Variants in ARHGEF38 observed in about 807,000 individuals in gnomAD.
ARHGEF38 encodes Rho guanine nucleotide exchange factor 38, also known as Rho guanine nucleotide exchange factor (GEF) 38.
In ARHGEF38, 79 loss-of-function variants were observed where a neutral mutation model predicts 79.9. The ratio of observed to expected loss-of-function variants is 0.99; its 90% CI spans 0.82 to 1.19. The LOEUF is 1.19. ARHGEF38 is among the 50% of genes most tolerant of loss of function. ARHGEF38 has a pLI of 0.00. For missense variants in ARHGEF38, 962 were observed against 907.2 expected (o/e 1.06, Z -0.78); for synonymous variants, 366 against 328.3 (o/e 1.11, Z -1.24).
chr4:105,654,208 C>A (rs1484815739), intron 8 of ARHGEF38, 39 bp downstream of exon 8: 13 of 1,164,872 alleles, frequency 1.1e-5, no homozygotes, highest in Middle Eastern at 2.0e-4. Flanking sequence ...TCTACAGGAA[C>A]ATCTGATACA....
intron 4 of ARHGEF38, among the ~76,000 whole-genome samples, chr4:105,635,998 C>T (rs1323002449): frequency 6.6e-6 from 1 of 151,886 alleles, no homozygotes; most frequent in Non-Finnish European, 1.5e-5. Context: ...CTTATTAAAT[C>T]CATTAAATTT....
At chr4:105,608,174 A>T (rs1728135682) in intron 2 of ARHGEF38, among the ~76,000 whole-genome samples, 1 of 152,042 alleles carries the variant, frequency 6.6e-6, no homozygotes, top group South Asian at 2.1e-4. Context: ...ACTAATTTAC[A>T]TTCCTACCAA....
chr4:105,664,494 C>T (rs1256654601), intron 10 of ARHGEF38, among the ~76,000 whole-genome samples: 1 of 151,934 alleles, frequency 6.6e-6, no homozygotes, highest in Non-Finnish European at 1.5e-5. Context: ...TCTCTATACC[C>T]CTACATTTGC....
rs531001554 is a variant in ARHGEF38, at chr4:105,664,183, G to A, written c.1546-1994G>A. The stretch of plus-strand genomic sequence containing the variant: ...ACAAGTGGGATTGCTGAATCATATG[G>A]TAACTCTATCTTTTTGAAGAATTCA... On this transcript the variant is annotated intron_variant, in intron 10 of 13. Coordinates refer to ENST00000420470, the MANE Select transcript of ARHGEF38 (RefSeq NM_001242729.2). 5.3e-5 allele frequency among the ~76,000 whole-genome samples: 8 copies of A among 152,198 alleles called. No homozygotes were observed. In the East Asian group the frequency reaches 1.5e-3, roughly 29 times the overall value.
intron 9 of ARHGEF38, among the ~76,000 whole-genome samples, chr4:105,657,368 G>A (rs1730376902): frequency 6.6e-6 from 1 of 152,044 alleles, no homozygotes; most frequent in Admixed American, 6.6e-5. Flanking sequence ...TTGTGAGAAG[G>A]CTCAATATAA....
In ARHGEF38 at chr4:105,561,459, A is replaced by AATGGAATGGAATG. The variant is rs1725574431; in HGVS notation, c.196+8498_196+8499insATGGAATGGAATG. On this transcript the variant is annotated intron_variant, in intron 1 of 13. Coordinates refer to ENST00000420470, the MANE Select transcript of ARHGEF38 (RefSeq NM_001242729.2). ...AGAATAGAATAGAATGGAATAGAAT[A>AATGGAATGGAATG]GAATAGAATAGAATAGAATAGAATA... is the stretch of plus-strand genomic sequence containing the variant. The AATGGAATGGAATG allele has an allele frequency of 1.1e-4, 4 of 38,076 alleles. 1 individual carries two copies. Among genetic ancestry groups the AATGGAATGGAATG allele is most frequent in the Non-Finnish European group, 1.6e-4 (3 of 18,720 alleles). 2.4% of individuals were successfully genotyped at this position (38,076 alleles called of 1,614,324 possible).
chr4:105,553,910 G>T (rs1198554761), intron 1 of ARHGEF38, among the ~76,000 whole-genome samples: 2 of 152,074 alleles, frequency 1.3e-5, no homozygotes, highest in Non-Finnish European at 2.9e-5. Flanking sequence ...AAGACCGATA[G>T]GACATGCTTA....
At chr4:105,610,002 A>G (rs1728220096) in intron 2 of ARHGEF38, among the ~76,000 whole-genome samples, 1 of 152,160 alleles carries the variant, frequency 6.6e-6, no homozygotes, top group Admixed American at 6.6e-5. Context: ...TGTGGTACAT[A>G]TACACCACGG....
chr4:105,681,992 T>C (rs1008183993), downstream of ARHGEF38, among the ~76,000 whole-genome samples: 1 of 152,148 alleles, frequency 6.6e-6, no homozygotes, highest in African/African-American at 2.4e-5. Context: ...TCAAAACTTA[T>C]CAGGAATGTG....
rs1176168451 is a variant in ARHGEF38 at position 105,645,397 on chromosome 4, G to A, written c.874+10G>A. On this transcript the variant is annotated intron_variant, in intron 6 of 13. Coordinates refer to ENST00000420470, the MANE Select transcript of ARHGEF38 (RefSeq NM_001242729.2). ...AGAAGGAAAGATTTAGGTAGGAAGA[G>A]ACATGATGAATTGGTTGTTTTCCAT... 3.3e-6 allele frequency: 5 copies of A among 1,505,416 alleles called. No individual in the cohort carries two copies. In the East Asian group the frequency reaches 7.4e-5, roughly 22 times the overall value. The allele number at this position is 1,505,416 out of a possible 1,614,324, so 93.3% of individuals were successfully genotyped here.
At chr4:105,580,972 G>A (rs1206771682) in intron 1 of ARHGEF38, among the ~76,000 whole-genome samples, 1 of 152,040 alleles carries the variant, frequency 6.6e-6, no homozygotes, top group Admixed American at 6.6e-5. Context: ...ACCAAGCCGG[G>A]ACTATTCTGT....
intron 13 of ARHGEF38, among the ~76,000 whole-genome samples, chr4:105,668,372 A>G (rs1175323114): frequency 6.6e-6 from 1 of 151,830 alleles, no homozygotes; most frequent in African/African-American, 2.4e-5. Flanking sequence ...AGTAGAGTTT[A>G]GTAGGGTTTC....
At chr4:105,657,397 A>C (rs1028652805) in intron 9 of ARHGEF38, among the ~76,000 whole-genome samples, 4 of 152,192 alleles carry the variant, frequency 2.6e-5, no homozygotes, top group Non-Finnish European at 5.9e-5. Flanking sequence ...TTTATGGATA[A>C]CATATATAGA....
At position 105,574,276 on chromosome 4, in the gene ARHGEF38, G is replaced by A. The variant is rs559104324; in HGVS notation, c.197-14972G>A. Among the ~76,000 whole-genome samples the A allele has an allele frequency of 7.9e-5, 12 of 152,102 alleles. No individual in the cohort carries two copies. The South Asian group carries it at 8.3e-4, about 11-fold the overall frequency. ...AAAAGAAGTGGCAAAGACCGGGTGC[G>A]GTGGCTCACACCTGTAATCCCAGCA... is the stretch of plus-strand genomic sequence containing the variant. On this transcript the variant is annotated intron_variant, in intron 1 of 13. Coordinates refer to ENST00000420470, the MANE Select transcript of ARHGEF38 (RefSeq NM_001242729.2).
chr4:105,609,652 A>C (rs1378450007), intron 2 of ARHGEF38, among the ~76,000 whole-genome samples: 2 of 152,116 alleles, frequency 1.3e-5, no homozygotes, highest in Non-Finnish European at 2.9e-5. Context: ...CGCCAAAGCA[A>C]CCTTGAGCAA....
chr4:105,598,380 G>T (rs1015189719), intron 2 of ARHGEF38, among the ~76,000 whole-genome samples: 11 of 152,084 alleles, frequency 7.2e-5, no homozygotes, highest in Non-Finnish European at 1.3e-4. Flanking sequence ...GAAAAACAGG[G>T]ATTTTGTTCA....
At chr4:105,617,024 C>T (rs541004141) in intron 3 of ARHGEF38, among the ~76,000 whole-genome samples, 5 of 152,182 alleles carry the variant, frequency 3.3e-5, no homozygotes, top group Non-Finnish European at 7.4e-5. Context: ...GAGTTGACAC[C>T]GTTAGCAAAA....
At chr4:105,575,830 G>A (rs1362740758) in intron 1 of ARHGEF38, among the ~76,000 whole-genome samples, 1 of 152,126 alleles carries the variant, frequency 6.6e-6, no homozygotes, top group Non-Finnish European at 1.5e-5. Flanking sequence ...TTTGTATAAG[G>A]TGAGAGATAG....
chr4:105,640,228 A>G (rs1578337584), intron 5 of ARHGEF38, among the ~76,000 whole-genome samples: 1 of 152,054 alleles, frequency 6.6e-6, no homozygotes, highest in Non-Finnish European at 1.5e-5. Flanking sequence ...GCAATAATCA[A>G]TGTCTGATTA....
Sources: allele counts gnomAD v4.1 joint callset (sites outside exome capture counted in the v4.1 genomes callset), GRCh38; gene constraint gnomAD v4.1.1; transcripts MANE v1.5; gene names NCBI Gene and HGNC (gene_info 2026-07-23, HGNC 2026-07-21).